The following HERC5 variants were observed in gnomAD, a reference collection of about 807,000 sequenced individuals.
The protein encoded by HERC5 is HECT and RLD domain containing E3 ubiquitin protein ligase 5.
Under a neutral mutation model 119.6 loss-of-function variants are expected in HERC5, and 99 were observed. The observed-to-expected ratio is 0.83, with a 90% CI of 0.70 to 0.98. HERC5 has a LOEUF of 0.98. Ranked by LOEUF, HERC5 falls within the 50% of genes least tolerant of loss-of-function variation. The pLI, the probability that HERC5 is intolerant of heterozygous loss-of-function variation, is 0.00. For synonymous variants in HERC5, 478 were observed against 445.9 expected (o/e 1.07, Z -0.91); for missense variants, 1,267 against 1,241.3 (o/e 1.02, Z -0.31).
At chr4:88,462,898 TC>T (rs1348637783) in intron 4 of HERC5, among the ~76,000 whole-genome samples, 1 of 152,210 alleles carries the variant, frequency 6.6e-6, no homozygotes, top group Non-Finnish European at 1.5e-5. Flanking sequence ...TTTCTCATGA[TC>T]CCAAACAACT....
intron 2 of HERC5, 111 bp from the exon 3 acceptor site, chr4:88,459,984 T>A (rs1025288884): frequency 1.8e-5 from 11 of 595,828 alleles, no homozygotes; most frequent in Non-Finnish European, 3.2e-5. Flanking sequence ...TGCAGTAAAT[T>A]GAAAGTTTTT....
chr4:88,458,272 AT>A (rs1740259094), intron 1 of HERC5, among the ~76,000 whole-genome samples: 1 of 151,802 alleles, frequency 6.6e-6, no homozygotes, highest in African/African-American at 2.4e-5. Flanking sequence ...TTTTTAGTGC[AT>A]TTTTTGGGGG....
chr4:88,460,186 A>G lies in HERC5; in HGVS notation c.466+15A>G, dbSNP rs1400605588. 1 of 1,364,552 alleles carries G rather than the reference A, an allele frequency of 7.3e-7. No homozygotes were observed. Among genetic ancestry groups the G allele is most frequent in the Non-Finnish European group, 1.0e-6 (1 of 959,344 alleles). 84.5% of individuals were successfully genotyped at this position (1,364,552 alleles called of 1,614,324 possible). A position where few individuals can be genotyped will look rare whatever the true frequency, so the allele number is the denominator to read the frequency against. Reference sequence around the variant, plus strand: ...ACTCTCAAAAGGTAATTTTTCTGTAATATTAATAGTTTTGTAGAAGTAATA... The same window carrying G: ...ACTCTCAAAAGGTAATTTTTCTGTAGTATTAATAGTTTTGTAGAAGTAATA... On this transcript the variant is annotated intron_variant, in intron 3 of 22. Transcript: ENST00000264350.
intron 6 of HERC5, among the ~76,000 whole-genome samples, chr4:88,465,407 A>G (rs976749859): frequency 6.6e-6 from 1 of 152,214 alleles, no homozygotes; most frequent in Non-Finnish European, 1.5e-5. Context: ...AACCATTCTT[A>G]TAAAAAACTA....
At chr4:88,472,921 CTT>C (rs775630233) in intron 11 of HERC5, 46 of 128,104 alleles carry the variant, frequency 3.6e-4, no homozygotes, top group South Asian at 1.0e-3. Flanking sequence ...TGCCTGGATT[CTT>C]TTTTTTTTTT....
At chr4:88,475,328 T>C (rs529919788) in intron 11 of HERC5, among the ~76,000 whole-genome samples, 7 of 145,508 alleles carry the variant, frequency 4.8e-5, no homozygotes, top group South Asian at 2.2e-4. Context: ...TTCTTTCTTT[T>C]TTTTTTTTTT....
chr4:88,473,909 A>G (rs1346880485), intron 11 of HERC5: 1 of 152,240 alleles, frequency 6.6e-6, no homozygotes, highest in African/African-American at 2.4e-5. Context: ...TGAAATAATC[A>G]TAGGGCATCC....
At chr4:88,463,693 C>A in intron 5 of HERC5, 70 bp downstream of exon 5, 1 of 1,467,026 alleles carries the variant, frequency 6.8e-7, no homozygotes, top group South Asian at 1.2e-5. Flanking sequence ...TTAGTGTTTC[C>A]CAGAGAAGAA....
intron 6 of HERC5, among the ~76,000 whole-genome samples, chr4:88,464,561 C>CTTGTTTGT (rs201816981): frequency 6.6e-6 from 1 of 150,488 alleles, no homozygotes; most frequent in South Asian, 2.1e-4. Flanking sequence ...TTTTGGTTTT[C>CTTGTTTGT]TTGTTTGTTT....
intron 16 of HERC5, 126 bp from the exon 17 acceptor site, chr4:88,492,886 T>TA (rs1741690810): frequency 3.9e-6 from 3 of 759,948 alleles, no homozygotes; most frequent in Non-Finnish European, 4.2e-6. Context: ...GTAGGATACT[T>TA]ACCTCAGTGC....
At chr4:88,480,023 C>T (rs1270430982) in intron 13 of HERC5, among the ~76,000 whole-genome samples, 9 of 148,700 alleles carry the variant, frequency 6.1e-5, no homozygotes, top group East Asian at 4.0e-4. Flanking sequence ...GCAGAGATCG[C>T]GCCATTGCAC....
chr4:88,479,173 C>T (rs183375243), intron 12 of HERC5, among the ~76,000 whole-genome samples, 180 bp from the exon 13 acceptor site: 48 of 151,376 alleles, frequency 3.2e-4, no homozygotes, highest in Admixed American at 1.4e-3. Context: ...TAATTCCAGC[C>T]ACTCAGGAAG....
chr4:88,491,075 C>T (rs1434978907), intron 16 of HERC5, among the ~76,000 whole-genome samples: 1 of 151,988 alleles, frequency 6.6e-6, no homozygotes, highest in Non-Finnish European at 1.5e-5. Context: ...ATGTATGACC[C>T]CTGTAATCTT....
intron 9 of HERC5, among the ~76,000 whole-genome samples, chr4:88,469,925 G>A (rs1740809854): frequency 6.6e-6 from 1 of 152,126 alleles, no homozygotes; most frequent in Non-Finnish European, 1.5e-5. Flanking sequence ...TCTCTGGCCA[G>A]AAAATAGAGT....
At chr4:88,474,667 A>T (rs1200687681) in intron 11 of HERC5, among the ~76,000 whole-genome samples, 1 of 152,192 alleles carries the variant, frequency 6.6e-6, no homozygotes, top group East Asian at 1.9e-4. Context: ...ATGATTAAGA[A>T]TTTGGGCTTT....
At chr4:88,498,328 G>A (rs1159205772) in intron 18 of HERC5, among the ~76,000 whole-genome samples, 1 of 152,188 alleles carries the variant, frequency 6.6e-6, no homozygotes, top group Non-Finnish European at 1.5e-5. Context: ...GCCTCTAGGG[G>A]TGGGCTTTGC....
chr4:88,457,314 G>T lies in HERC5; in HGVS notation c.45G>T (p.Ser15=), dbSNP rs781587665. The change falls in exon 1 of 23, where the codon TCG becomes TCT. Residue 15 remains serine (S), a synonymous_variant. Coordinates refer to ENST00000264350, the MANE Select transcript of HERC5 (RefSeq NM_016323.4). ...SRRKSRRNGR[S]TAGKAAATQP... is the part of the protein sequence containing the mutation. ...GGAAGTCGCGGCGCAACGGGCGCTC[G>T]ACCGCGGGCAAGGCCGCCGCGACCC... The T allele has an allele frequency of 1.4e-6, 2 of 1,380,158 alleles. No individual in the cohort carries two copies. Among genetic ancestry groups the T allele is most frequent in the South Asian group, 1.6e-5 (1 of 62,690 alleles). The allele number at this position is 1,380,158 out of a possible 1,614,324, so 85.5% of individuals were successfully genotyped here.
chr4:88,505,781 C>T lies in HERC5; in HGVS notation c.2978C>T (p.Thr993Ile). 2 of 1,608,420 alleles carry T rather than the reference C, an allele frequency of 1.2e-6. No individual in the cohort carries two copies. The highest frequency in any genetic ancestry group is 1.7e-6 in the Non-Finnish European group (2 of 1,174,794). Residue 993 changes from threonine (T) to isoleucine (I), a missense_variant, in exon 23 of 23, where the codon ACA (threonine) becomes ATA (isoleucine). Around this residue, in one of 3 missense-constraint regions of HERC5, gnomAD observed 473 missense variants for 445.7 expected, o/e 1.06. Transcript: ENST00000264350. ...WNERDPIRAL[T>I]CFSVLFLPKY... Reference sequence around the variant, plus strand: ...GAAAGAGACCCTATAAGAGCACTGACATGTTTCAGTGTCCTCTTCCTCCCT... The same window carrying T: ...GAAAGAGACCCTATAAGAGCACTGATATGTTTCAGTGTCCTCTTCCTCCCT...
At chr4:88,472,262 A>G (rs370538693) in intron 10 of HERC5, 147 bp from the exon 11 acceptor site, 21 of 598,382 alleles carry the variant, frequency 3.5e-5, no homozygotes, top group East Asian at 2.0e-4. Context: ...AATCATGTTT[A>G]CTACATTGCA....
Sources: allele counts gnomAD v4.1 joint callset (sites outside exome capture counted in the v4.1 genomes callset), GRCh38; gene constraint gnomAD v4.1.1; regional missense constraint gnomAD v4.1.1; transcripts MANE v1.5; gene names NCBI Gene and HGNC (gene_info 2026-07-23, HGNC 2026-07-21).